Variants in SLIT2 observed in about 807,000 individuals in gnomAD.
SLIT2 encodes slit guidance ligand 2.
Under a neutral mutation model 185.7 loss-of-function variants are expected in SLIT2, and 41 were observed. The observed-to-expected ratio is 0.22, with a 90% CI of 0.17 to 0.29. The LOEUF (loss-of-function observed/expected upper bound fraction) is 0.29, where lower values mean the gene tolerates loss of function less well. SLIT2 is among the 10% of genes least tolerant of loss of function. SLIT2 has a pLI of 1.00. For missense variants in SLIT2, 1,571 were observed against 1,909.0 expected (o/e 0.82, Z 3.30); for synonymous variants, 693 against 680.2 (o/e 1.02, Z -0.29).
intron 19 of SLIT2, 80 bp from the exon 20 acceptor site, chr4:20,541,373 G>T: frequency 8.1e-7 from 1 of 1,227,152 alleles, no homozygotes; most frequent in Non-Finnish European, 1.2e-6. Context: ...AAATAGCGTG[G>T]AGAAGGGTAG....
At chr4:20,613,117 A>G (rs1376980418) in intron 34 of SLIT2, among the ~76,000 whole-genome samples, 4 of 152,162 alleles carry the variant, frequency 2.6e-5, no homozygotes, top group South Asian at 2.1e-4. Context: ...ACCTAAAAAT[A>G]GAGCTACCAT....
At chr4:20,613,204 T>A (rs1022749751) in intron 34 of SLIT2, among the ~76,000 whole-genome samples, 2 of 152,186 alleles carry the variant, frequency 1.3e-5, no homozygotes, top group African/African-American at 4.8e-5. Context: ...CAGGCATGCA[T>A]ATGTTCATTG....
chr4:20,433,793 A>G (rs1328251718), intron 4 of SLIT2, among the ~76,000 whole-genome samples: 1 of 152,150 alleles, frequency 6.6e-6, no homozygotes, highest in Non-Finnish European at 1.5e-5. Flanking sequence ...TAACTCACAC[A>G]TGCTCTATAT....
intron 4 of SLIT2, among the ~76,000 whole-genome samples, chr4:20,432,615 T>C (rs1227798694): frequency 6.6e-6 from 1 of 152,016 alleles, no homozygotes; most frequent in Non-Finnish European, 1.5e-5. Flanking sequence ...TCCTGGACCC[T>C]GAGTATCCTG....
At chr4:20,548,349 C>T (rs1723439452) in intron 22 of SLIT2, 139 bp from the exon 23 acceptor site, 1 of 588,034 alleles carries the variant, frequency 1.7e-6, no homozygotes, top group African/African-American at 1.9e-5. Flanking sequence ...GTGGGTCGTT[C>T]ACTGTTTTAT....
chr4:20,416,449 A>G (rs1490867300), intron 4 of SLIT2, among the ~76,000 whole-genome samples: 2 of 152,204 alleles, frequency 1.3e-5, no homozygotes, highest in Non-Finnish European at 2.9e-5. Context: ...ATCACCAAAT[A>G]CATTTACGCT....
intron 9 of SLIT2, among the ~76,000 whole-genome samples, chr4:20,497,216 C>A (rs918141467): frequency 6.6e-6 from 1 of 150,928 alleles, no homozygotes; most frequent in Admixed American, 6.6e-5. Flanking sequence ...ACATTTAACT[C>A]AAATCTTTCA....
At chr4:20,447,668 G>A (rs1320112700) in intron 4 of SLIT2, among the ~76,000 whole-genome samples, 1 of 152,226 alleles carries the variant, frequency 6.6e-6, no homozygotes, top group Non-Finnish European at 1.5e-5. Flanking sequence ...AGGGGATGGA[G>A]TGGAAGAGCT....
At chr4:20,270,282 G>A (rs2109031301) in intron 4 of SLIT2, among the ~76,000 whole-genome samples, 1 of 152,024 alleles carries the variant, frequency 6.6e-6, no homozygotes, top group African/African-American at 2.4e-5. Context: ...ATTGGTGACT[G>A]AGGAGATTTT....
intron 29 of SLIT2, chr4:20,573,410 G>A (rs1326788962): frequency 1.5e-5 from 10 of 659,906 alleles, no homozygotes; most frequent in East Asian, 5.4e-5. Flanking sequence ...TCATTCAGAT[G>A]TTTAATCTAT....
chr4:20,519,259 C>T, intron 11 of SLIT2, 123 bp from the exon 12 acceptor site: 2 of 654,630 alleles, frequency 3.1e-6, no homozygotes, highest in Non-Finnish European at 5.4e-6. Context: ...GTTTACTCAG[C>T]TATAACTTTT....
At position 20,261,885 on chromosome 4, in the gene SLIT2, C is replaced by T. The variant is rs1424055938; in HGVS notation, c.323+3946C>T. Among the ~76,000 whole-genome samples the T allele has an allele frequency of 2.6e-5, 4 of 151,688 alleles. No individual in the cohort carries two copies. In the East Asian group the frequency reaches 5.8e-4, roughly 22 times the overall value. On this transcript the variant is annotated intron_variant, in intron 3 of 36. Transcript: ENST00000504154. ...GGCATGTGGAGTGTTCATCTTTTCC[C>T]ACCAATACTTGGTAAATGTGTGCTT... is the stretch of plus-strand genomic sequence containing the variant.
chr4:20,398,140 C>G (rs116524470), intron 4 of SLIT2, among the ~76,000 whole-genome samples: 1,603 of 151,742 alleles, frequency 0.011, 34 homozygotes, highest in African/African-American at 0.036. Context: ...GTTATTAGTG[C>G]AAAGACAGCT....
At chr4:20,390,979 A>T (rs151026209) in intron 4 of SLIT2, among the ~76,000 whole-genome samples, 55 of 152,026 alleles carry the variant, frequency 3.6e-4, no homozygotes, top group African/African-American at 1.3e-3. Flanking sequence ...ATCTTACATA[A>T]TTTTTTCCAG....
At chr4:20,435,601 A>G (rs1246450011) in intron 4 of SLIT2, among the ~76,000 whole-genome samples, 1 of 152,214 alleles carries the variant, frequency 6.6e-6, no homozygotes, top group South Asian at 2.1e-4. Context: ...ACATGCCTTC[A>G]TTTAGTACAG....
chr4:20,599,118 G>A lies in SLIT2; in HGVS notation c.3692+723G>A, dbSNP rs553402927. Reference sequence around the variant, plus strand: ...AAGCCCCTGCTCATTTGGAACTTACGCAGAATAAGCAAATGGATTCATACA... The same window carrying A: ...AAGCCCCTGCTCATTTGGAACTTACACAGAATAAGCAAATGGATTCATACA... On this transcript the variant is annotated intron_variant, in intron 33 of 36. Coordinates refer to ENST00000504154, the MANE Select transcript of SLIT2 (RefSeq NM_004787.4). Among the ~76,000 whole-genome samples, 24 of 152,272 alleles carry A rather than the reference G, an allele frequency of 1.6e-4. No individual in the cohort carries two copies. The South Asian group carries it at 2.1e-3, about 13-fold the overall frequency.
chr4:20,574,064 C>T (rs1460995202), intron 29 of SLIT2, among the ~76,000 whole-genome samples: 1 of 151,858 alleles, frequency 6.6e-6, no homozygotes, highest in Non-Finnish European at 1.5e-5. Flanking sequence ...ACGCCATTCT[C>T]CTGCCTCAGC....
At chr4:20,264,397 T>C (rs1044196784) in intron 3 of SLIT2, among the ~76,000 whole-genome samples, 1 of 151,782 alleles carries the variant, frequency 6.6e-6, no homozygotes, top group Non-Finnish European at 1.5e-5. Flanking sequence ...AGCACGCTGC[T>C]AAAAACACCT....
intron 11 of SLIT2, among the ~76,000 whole-genome samples, chr4:20,511,604 A>ATTTTTTTTT (rs1719757628): frequency 1.7e-5 from 1 of 58,316 alleles, no homozygotes; most frequent in Admixed American, 1.8e-4. Context: ...TTTTTTTTTT[A>ATTTTTTTTT]TTTTTGGTAG....
Sources: gnomAD v4.1 joint callset for allele counts (sites outside exome capture counted in the v4.1 genomes callset) on GRCh38, gnomAD v4.1.1 for gene constraint, MANE v1.5 for transcripts, NCBI Gene and HGNC (gene_info 2026-07-23, HGNC 2026-07-21) for gene names.